The following SCG5 variants were observed in gnomAD, a reference collection of about 807,000 sequenced individuals.
The protein encoded by SCG5 is neuroendocrine protein 7B2.
A neutral mutation model predicts 25.7 loss-of-function variants in SCG5; 18 were observed. The ratio of observed to expected loss-of-function variants is 0.70; its 90% CI spans 0.48 to 1.04. The LOEUF is 1.04. SCG5 is among the 50% of genes least tolerant of loss of function. The probability of loss-of-function intolerance (pLI) is 0.00; values close to 1 mark genes in which losing one functional copy is unlikely to be tolerated. For synonymous variants in SCG5, 101 were observed against 91.7 expected (o/e 1.10, Z -0.58); for missense variants, 206 against 259.8 (o/e 0.79, Z 1.42).
At chr15:32,651,549 G>A (rs2054031337) in intron 2 of SCG5, among the ~76,000 whole-genome samples, 1 of 152,202 alleles carries the variant, frequency 6.6e-6, no homozygotes. Flanking sequence ...ACTCTTATGT[G>A]TCTTGACTAA....
intron 5 of SCG5, 117 bp from the exon 6 acceptor site, chr15:32,696,397 G>A (rs774037271): frequency 2.0e-5 from 14 of 694,858 alleles, no homozygotes; most frequent in Non-Finnish European, 2.7e-5. Context: ...GATTACAGGC[G>A]TGAGCCACCG....
In SCG5 at chr15:32,679,905, TG is replaced by T; in HGVS notation, c.368del (p.Gly123GlufsTer9). The T allele has an allele frequency of 6.2e-7, 1 of 1,610,478 alleles. No homozygotes were observed. The highest frequency in any genetic ancestry group is 8.5e-7 in the Non-Finnish European group (1 of 1,178,636). The part of the protein sequence containing the change: ...YPDPPNPCPV[G>X]KTADDGCLEN... ...CAGACCCTCCAAATCCCTGTCCTGT[TG>T]GAAAAACAGGTAACAGATATGCCTT... On this transcript the variant is annotated frameshift_variant, in exon 3 of 6. Transcript: ENST00000300175. LOFTEE classifies it high-confidence loss of function.
chr15:32,657,209 A>G lies in SCG5; in HGVS notation c.226+13391A>G, dbSNP rs11635328. ...TTCTTTCATCCTCCTGTATATATATATATGTATGTATTTCCAGGTGTAAGT... is the reference window on the plus strand; with the variant it reads ...TTCTTTCATCCTCCTGTATATATATGTATGTATGTATTTCCAGGTGTAAGT... On this transcript the variant is annotated intron_variant, in intron 2 of 5. Transcript: ENST00000300175. Among the ~76,000 whole-genome samples, 129 of 38,586 alleles carry G rather than the reference A, an allele frequency of 3.3e-3. 3 individuals are homozygous for G. The highest frequency in any genetic ancestry group is 7.9e-3 in the Admixed American group (21 of 2,654). The allele number at this position is 38,586 out of a possible 152,430, so 25.3% of individuals were successfully genotyped here. A position where few individuals can be genotyped will look rare whatever the true frequency, so the allele number is the denominator to read the frequency against.
At chr15:32,693,055 A>G (rs187086707) in intron 5 of SCG5, among the ~76,000 whole-genome samples, 1 of 152,354 alleles carries the variant, frequency 6.6e-6, no homozygotes, top group African/African-American at 2.4e-5. Context: ...TTGAGGGAAC[A>G]TCAAGAAATT....
rs28478172 is a variant in SCG5, at chr15:32,696,396, C to T, written c.544-118C>T. The T allele has an allele frequency of 0.026, 17,921 of 682,288 alleles. 1,443 individuals carry two copies. Among genetic ancestry groups the T allele is most frequent in the African/African-American group, 0.2 (10,965 of 56,038 alleles). The allele number at this position is 682,288 out of a possible 1,614,324, so 42.3% of individuals were successfully genotyped here. ...CCTCCCAAAGTGCTGGGATTACAGGCGTGAGCCACCGCGCCCGGCCCCAGA... is the reference window on the plus strand; with the variant it reads ...CCTCCCAAAGTGCTGGGATTACAGGTGTGAGCCACCGCGCCCGGCCCCAGA... On this transcript the variant is annotated intron_variant, in intron 5 of 5. Coordinates refer to ENST00000300175, the MANE Select transcript of SCG5 (RefSeq NM_001144757.3).
At chr15:32,645,353 A>G (rs78478788) in intron 2 of SCG5, among the ~76,000 whole-genome samples, 4,285 of 152,294 alleles carry the variant, frequency 0.028, 76 homozygotes, top group Middle Eastern at 0.051. Flanking sequence ...CTTTATCCAG[A>G]GACTCCATTC....
Position 32,675,478 on chromosome 15 carries a change from C to A in SCG5, c.227-4288C>A, listed in dbSNP as rs138600292. Reference sequence around the variant, plus strand: ...TTTGTACAATGGTCTGTTCTCTATACCACCATCTATTGTCTATACTACAAT... The same window carrying A: ...TTTGTACAATGGTCTGTTCTCTATAACACCATCTATTGTCTATACTACAAT... On this transcript the variant is annotated intron_variant, in intron 2 of 5. Coordinates refer to ENST00000300175, the MANE Select transcript of SCG5 (RefSeq NM_001144757.3). Among the ~76,000 whole-genome samples the A allele has an allele frequency of 1.6e-4, 24 of 152,296 alleles. 1 individual carries two copies. In the East Asian group the frequency reaches 3.1e-3, roughly 20 times the overall value.
intron 2 of SCG5, among the ~76,000 whole-genome samples, chr15:32,677,221 A>C (rs1424555992): frequency 1.3e-5 from 2 of 152,230 alleles, no homozygotes; most frequent in Non-Finnish European, 2.9e-5. Context: ...GCAATGAAAT[A>C]TAATATAAAT....
chr15:32,664,595 A>ACT (rs1201389251), intron 2 of SCG5, among the ~76,000 whole-genome samples: 1 of 152,100 alleles, frequency 6.6e-6, no homozygotes, highest in African/African-American at 2.4e-5. Flanking sequence ...ACAATTGCAA[A>ACT]TGAAAAGTTA....
intron 2 of SCG5, among the ~76,000 whole-genome samples, chr15:32,663,777 A>C (rs2054275966): frequency 6.6e-6 from 1 of 152,144 alleles, no homozygotes; most frequent in African/African-American, 2.4e-5. Flanking sequence ...CATGAGAAGA[A>C]AATGGCATTT....
At chr15:32,675,633 C>A (rs147387377) in intron 2 of SCG5, among the ~76,000 whole-genome samples, 1 of 152,202 alleles carries the variant, frequency 6.6e-6, no homozygotes, top group Non-Finnish European at 1.5e-5. Flanking sequence ...TCTATAGCAC[C>A]TAACGTAATT....
chr15:32,668,716 A>G (rs2054364501), intron 2 of SCG5, among the ~76,000 whole-genome samples: 1 of 152,012 alleles, frequency 6.6e-6, no homozygotes. Context: ...GTGACCCTCA[A>G]CAGAAACCAT....
chr15:32,669,407 AACC>A (rs200312909), intron 2 of SCG5, among the ~76,000 whole-genome samples: 1 of 152,160 alleles, frequency 6.6e-6, no homozygotes, highest in African/African-American at 2.4e-5. Context: ...ACCGAATCCC[AACC>A]ACCACCACCA....
intron 4 of SCG5, among the ~76,000 whole-genome samples, chr15:32,688,838 A>G (rs1373118882): frequency 2.0e-5 from 3 of 152,022 alleles, no homozygotes; most frequent in Non-Finnish European, 2.9e-5. Flanking sequence ...GGGTGCCTGT[A>G]GTCCCAGCTA....
chr15:32,696,349 C>G (rs1202600004), intron 5 of SCG5, among the ~76,000 whole-genome samples, 165 bp from the exon 6 acceptor site: 1 of 152,104 alleles, frequency 6.6e-6, no homozygotes, highest in African/African-American at 2.4e-5. Flanking sequence ...GATCTCCTGA[C>G]CTCGTGATCT....
intron 2 of SCG5, among the ~76,000 whole-genome samples, chr15:32,676,699 AAAAGGATAATC>A (rs2054536740): frequency 6.6e-6 from 1 of 152,254 alleles, no homozygotes; most frequent in East Asian, 1.9e-4. Context: ...GGTTAAAAAT[AAAAGGATAATC>A]AAAGATTTAC....
chr15:32,643,598 C>T lies in SCG5; in HGVS notation c.6C>T (p.Val2=), dbSNP rs746009181. ...CTTTTATCTGCAGGTTGACAATGGT[C>T]TCCAGGATGGTCTCTACCATGCTAT... M[V]SRMVSTMLSG... The change falls in exon 2 of 6, where the codon GTC becomes GTT. Residue 2 remains valine, a synonymous_variant. Transcript: ENST00000300175. The T allele has an allele frequency of 5.6e-5, 90 of 1,613,162 alleles. No homozygotes were observed. The highest frequency in any genetic ancestry group is 7.4e-5 in the Non-Finnish European group (87 of 1,179,274).
rs147773704 is a variant in SCG5, at chr15:32,669,303, G to A, written c.227-10463G>A. 5.9e-5 allele frequency among the ~76,000 whole-genome samples: 9 copies of A among 152,314 alleles called. No individual in the cohort carries two copies. The East Asian group carries it at 1.7e-3, about 29-fold the overall frequency. Reference sequence around the variant, plus strand: ...AAAGGAAGATGAAGTGGGAGCTTTAGATAATTGGAGGCGGTAGGCCTGTAT... The same window carrying A: ...AAAGGAAGATGAAGTGGGAGCTTTAAATAATTGGAGGCGGTAGGCCTGTAT... On this transcript the variant is annotated intron_variant, in intron 2 of 5. Transcript: ENST00000300175.
intron 1 of SCG5, among the ~76,000 whole-genome samples, chr15:32,643,306 A>G (rs911120783): frequency 1.3e-5 from 2 of 152,192 alleles, no homozygotes; most frequent in Non-Finnish European, 2.9e-5. Context: ...TACAAGGAGG[A>G]TAAAAATTAT....
Sources: gnomAD v4.1 joint callset for allele counts (sites outside exome capture counted in the v4.1 genomes callset) on GRCh38, gnomAD v4.1.1 for gene constraint, MANE v1.5 for transcripts, NCBI Gene and HGNC (gene_info 2026-07-23, HGNC 2026-07-21) for gene names.